The following NIBAN2 variants were observed in gnomAD, a reference collection of about 807,000 sequenced individuals.
NIBAN2 encodes the protein niban apoptosis regulator 2.
NIBAN2 carries 36 observed loss-of-function variants against 81.8 expected under a neutral mutation model. That is an observed-to-expected ratio of 0.44 (90% CI 0.34 to 0.58). NIBAN2 has a LOEUF of 0.58. Among genes scored for constraint, NIBAN2 ranks in the 20% least tolerant of loss-of-function variants. NIBAN2 has a pLI of 0.02. For missense variants in NIBAN2, 897 were observed against 1,014.1 expected, an observed-to-expected ratio of 0.88 and a Z score of 1.57; for synonymous variants, 445 against 441.6, an observed-to-expected ratio of 1.01 and a Z score of -0.10.
At chr9:127,569,206 G>A, upstream of NIBAN2, 1 of 453,140 alleles carries the variant, frequency 2.2e-6, no homozygotes, top group Non-Finnish European at 2.6e-6. Context: ...GCCCCGCCCC[G>A]CCCCGCCCTC....
In NIBAN2 at chr9:127,523,250, T is replaced by A. The variant is rs181477444; in HGVS notation, c.589+429A>T. 2.1e-3 allele frequency among the ~76,000 whole-genome samples: 141 copies of A among 67,710 alleles called. 1 individual carries two copies. The East Asian group carries it at 0.035, about 17-fold the overall frequency. The allele number at this position is 67,710 out of a possible 152,430, so 44.4% of individuals were successfully genotyped here. A position where few individuals can be genotyped will look rare whatever the true frequency, so the allele number is the denominator to read the frequency against. On this transcript the variant is annotated intron_variant, in intron 5 of 13. Coordinates refer to ENST00000373312, the MANE Select transcript of NIBAN2 (RefSeq NM_022833.4). ...ATATATATATATATATATATATATA[T>A]ATAAAATTAAAAAAAAAATCTTTAC...
Position 127,508,353 on chromosome 9 carries a change from T to C in NIBAN2, c.1434+69A>G. 1 of 1,427,370 alleles carries C rather than the reference T, an allele frequency of 7.0e-7. No individual in the cohort carries two copies. Among genetic ancestry groups the C allele is most frequent in the Non-Finnish European group, 9.8e-7 (1 of 1,021,108 alleles). The allele number at this position is 1,427,370 out of a possible 1,614,324, so 88.4% of individuals were successfully genotyped here. ...CTTGCAGGGACAGCAATCCTGGTGG[T>C]GGCCGGGGATGAGGCTCGGGGCTCG... On this transcript the variant is annotated intron_variant, in intron 11 of 13. Transcript: ENST00000373312. This position sits in a 1 kb window ranked among gnomAD's most constrained non-coding sequence, Gnocchi z 6.4.
chr9:127,562,960 G>A (rs1480348455), intron 1 of NIBAN2, among the ~76,000 whole-genome samples: 4 of 152,186 alleles, frequency 2.6e-5, no homozygotes, highest in Non-Finnish European at 5.9e-5. Context: ...TCATGGTCCC[G>A]GTAAAGTGTA....
chr9:127,519,679 C>G (rs570135910), intron 5 of NIBAN2, among the ~76,000 whole-genome samples: 1 of 152,320 alleles, frequency 6.6e-6, no homozygotes, highest in East Asian at 1.9e-4. Context: ...TGGATGGGGA[C>G]GGGGGCCTGT....
chr9:127,570,803 T>C (rs951522102), upstream of NIBAN2, among the ~76,000 whole-genome samples: 4 of 152,208 alleles, frequency 2.6e-5, no homozygotes, highest in African/African-American at 9.6e-5. Context: ...CAAAGAGTCA[T>C]CATCAGGTGG....
chr9:127,570,418 C>CTG (rs1837933285), upstream of NIBAN2, among the ~76,000 whole-genome samples: 1 of 152,198 alleles, frequency 6.6e-6, no homozygotes, highest in African/African-American at 2.4e-5. Context: ...GCCCTCCCCT[C>CTG]TGTGACCCTG....
chr9:127,509,941 C>T (rs1000892421), intron 9 of NIBAN2: 10 of 399,528 alleles, frequency 2.5e-5, no homozygotes, highest in African/African-American at 1.8e-4. Context: ...AGCTAATGTT[C>T]CCTCTTTCCT....
rs545000346 is a variant in NIBAN2 at position 127,545,244 on chromosome 9, C to T, written c.56-13466G>A. Among the ~76,000 whole-genome samples, 3 of 152,276 alleles carry T rather than the reference C, an allele frequency of 2.0e-5. No homozygotes were observed. The South Asian group carries it at 6.2e-4, about 32-fold the overall frequency. On this transcript the variant is annotated intron_variant, in intron 1 of 13. Coordinates refer to ENST00000373312, the MANE Select transcript of NIBAN2 (RefSeq NM_022833.4). This position sits in a 1 kb window ranked among gnomAD's most constrained non-coding sequence, Gnocchi z 4.7. ...GTGCCACCTCCTCGGAACCCTCCCTCCAGACAAGTCCCGGCCTCCCAGGTC... is the reference window on the plus strand; with the variant it reads ...GTGCCACCTCCTCGGAACCCTCCCTTCAGACAAGTCCCGGCCTCCCAGGTC...
chr9:127,507,722 C>G lies in NIBAN2; in HGVS notation c.1654+145G>C, dbSNP rs1179183641. ...GGCTAAGGCTGCTCCGGAGGCCACA[C>G]AGCGAAGAGTGGGCTTCACCCAGAC... On this transcript the variant is annotated intron_variant, in intron 13 of 13. Transcript: ENST00000373312. This position sits in a 1 kb window ranked among gnomAD's most constrained non-coding sequence, Gnocchi z 6.8. The G allele has an allele frequency of 6.5e-6, 5 of 767,444 alleles. No individual in the cohort carries two copies. The highest frequency in any genetic ancestry group is 5.0e-5 in the South Asian group (3 of 60,220). 47.5% of individuals were successfully genotyped at this position (767,444 alleles called of 1,614,324 possible).
chr9:127,578,248 G>A (rs183849647), intron 1 of NIBAN2, among the ~76,000 whole-genome samples: 9 of 151,454 alleles, frequency 5.9e-5, no homozygotes, highest in Admixed American at 2.0e-4. Flanking sequence ...ATCCCATCCG[G>A]GAGGCTGAGG....
At chr9:127,521,440 G>A (rs1014079800) in intron 5 of NIBAN2, among the ~76,000 whole-genome samples, 11 of 152,122 alleles carry the variant, frequency 7.2e-5, no homozygotes, top group Admixed American at 2.6e-4. Flanking sequence ...TGAGGACCCG[G>A]CACAGCCAGT....
intron 1 of NIBAN2, among the ~76,000 whole-genome samples, chr9:127,539,543 G>C (rs73599566): frequency 6.6e-6 from 1 of 152,120 alleles, no homozygotes; most frequent in Non-Finnish European, 1.5e-5. Flanking sequence ...AGAATCATCC[G>C]ACCCACTGGA....
intron 1 of NIBAN2, chr9:127,561,324 AG>A (rs1837770447): frequency 1.0e-6 from 1 of 984,608 alleles, no homozygotes; most frequent in Non-Finnish European, 1.2e-6. Context: ...GGCAGGGAGC[AG>A]GGGATGCACG....
In NIBAN2 at chr9:127,524,531, C is replaced by T. The variant is rs149466658; in HGVS notation, c.421+527G>A. ...TTCAGGGGAGGGGGGGTGACTCGCC[C>T]AAGCAGACACAGTGAAACAAAGCCA... On this transcript the variant is annotated intron_variant, in intron 4 of 13. Coordinates refer to ENST00000373312, the MANE Select transcript of NIBAN2 (RefSeq NM_022833.4). Among the ~76,000 whole-genome samples, 30 of 152,280 alleles carry T rather than the reference C, an allele frequency of 2.0e-4. No homozygotes were observed. The East Asian group carries it at 5.4e-3, about 27-fold the overall frequency.
At chr9:127,578,608 G>C (rs1838037265) in intron 1 of NIBAN2, among the ~76,000 whole-genome samples, 1 of 151,740 alleles carries the variant, frequency 6.6e-6, no homozygotes, top group Non-Finnish European at 1.5e-5. Context: ...GTTGCAGTGA[G>C]AGTGAGGCGA....
intron 1 of NIBAN2, among the ~76,000 whole-genome samples, chr9:127,576,175 A>C (rs1277026564): frequency 6.6e-6 from 1 of 152,112 alleles, no homozygotes; most frequent in Non-Finnish European, 1.5e-5. Context: ...ACTGGAGGGG[A>C]ACGTGACAGT....
At position 127,559,168 on chromosome 9, in the gene NIBAN2, GCATGAGTTC is replaced by G. The variant is rs1170351877; in HGVS notation, c.55+9643_55+9651del. Reference sequence around the variant, plus strand: ...CAGCTTGATGGAACCTTCTTGGCTGGCATGAGTTCCATGAGATCAGGGCTCATGTCACTG... The same window carrying G: ...CAGCTTGATGGAACCTTCTTGGCTGGCATGAGATCAGGGCTCATGTCACTG... On this transcript the variant is annotated intron_variant, in intron 1 of 13. Coordinates refer to ENST00000373312, the MANE Select transcript of NIBAN2 (RefSeq NM_022833.4). The surrounding 1 kb of genome is among the most constrained non-coding windows in gnomAD (Gnocchi z 4.0). Among the ~76,000 whole-genome samples the G allele has an allele frequency of 1.3e-5, 2 of 152,188 alleles. No homozygotes were observed. The highest frequency in any genetic ancestry group is 4.8e-5 in the African/African-American group (2 of 41,418).
chr9:127,508,024 G>A lies in NIBAN2; in HGVS notation c.1543-46C>T, dbSNP rs1486547546. The A allele has an allele frequency of 6.2e-7, 1 of 1,611,910 alleles. No individual in the cohort carries two copies. On this transcript the variant is annotated intron_variant, in intron 12 of 13. Transcript: ENST00000373312. This position sits in a 1 kb window ranked among gnomAD's most constrained non-coding sequence, Gnocchi z 6.4. ...AGATGAGAGGTCAGGGCCAAGGGTAGAGGGAGGCCTGTGGGCTCCATCCCC... is the reference window on the plus strand; with the variant it reads ...AGATGAGAGGTCAGGGCCAAGGGTAAAGGGAGGCCTGTGGGCTCCATCCCC...
Position 127,559,237 on chromosome 9 carries a change from G to C in NIBAN2, c.55+9583C>G, listed in dbSNP as rs1837728963. Reference sequence around the variant, plus strand: ...CAGTTCCCAGCTCAGGCCAGGAACAGGACAGCTTTCAGAGCAAGCTCTTCC... The same window carrying C: ...CAGTTCCCAGCTCAGGCCAGGAACACGACAGCTTTCAGAGCAAGCTCTTCC... On this transcript the variant is annotated intron_variant, in intron 1 of 13. Transcript: ENST00000373312. The surrounding 1 kb of genome is among the most constrained non-coding windows in gnomAD (Gnocchi z 4.0). 6.6e-6 allele frequency among the ~76,000 whole-genome samples: 1 copy of C among 152,248 alleles called. No homozygotes were observed. The highest frequency in any genetic ancestry group is 2.1e-4 in the South Asian group (1 of 4,832).
Sources: gnomAD v4.1 joint callset for allele counts (sites outside exome capture counted in the v4.1 genomes callset) on GRCh38, gnomAD v4.1.1 for gene constraint, Gnocchi (gnomAD v3.1) non-coding constraint, MANE v1.5 for transcripts, NCBI Gene and HGNC (gene_info 2026-07-23, HGNC 2026-07-21) for gene names.